Variants in MACROD2 observed in about 807,000 individuals in gnomAD.
MACROD2 encodes the protein mono-ADP ribosylhydrolase 2, also known as ADP-ribose glycohydrolase MACROD2.
A neutral mutation model predicts 70.4 loss-of-function variants in MACROD2; 36 were observed. The ratio of observed to expected loss-of-function variants is 0.51; its 90% CI spans 0.39 to 0.68. The LOEUF (loss-of-function observed/expected upper bound fraction) is 0.68, where lower values mean the gene tolerates loss of function less well. MACROD2 is among the 30% of genes least tolerant of loss of function. MACROD2 has a pLI of 0.00. For synonymous variants in MACROD2, 172 were observed against 178.8 expected (o/e 0.96, Z 0.30); for missense variants, 496 against 538.4 (o/e 0.92, Z 0.78).
chr20:14,925,895 G>C (rs2074225038), intron 5 of MACROD2, among the ~76,000 whole-genome samples: 2 of 152,306 alleles, frequency 1.3e-5, no homozygotes, highest in Non-Finnish European at 1.5e-5. Context: ...GGCTCGCAGG[G>C]ACTTATATAG....
At chr20:15,456,521 T>C (rs868375127) in intron 7 of MACROD2, among the ~76,000 whole-genome samples, 1 of 151,750 alleles carries the variant, frequency 6.6e-6, no homozygotes, top group Non-Finnish European at 1.5e-5. Context: ...TGAAGGCAAG[T>C]AGATAGTCTT....
At chr20:15,494,774 TGTGC>T (rs2047275179) in intron 7 of MACROD2, among the ~76,000 whole-genome samples, 1 of 127,568 alleles carries the variant, frequency 7.8e-6, no homozygotes, top group African/African-American at 3.1e-5. Flanking sequence ...CGCGTGTGTG[TGTGC>T]GCGCGTGTGT....
chr20:14,141,840 T>A (rs76287750), intron 3 of MACROD2, among the ~76,000 whole-genome samples: 88 of 150,760 alleles, frequency 5.8e-4, no homozygotes, highest in Non-Finnish European at 8.9e-4. Flanking sequence ...CAGTACCTTA[T>A]AACTTTTATT....
chr20:14,733,907 C>G (rs2071627123), intron 5 of MACROD2, among the ~76,000 whole-genome samples: 1 of 152,160 alleles, frequency 6.6e-6, no homozygotes, highest in Non-Finnish European at 1.5e-5. Flanking sequence ...GAGCTAATTG[C>G]TTAACCTCTT....
chr20:14,068,870 G>C (rs2053803366), intron 2 of MACROD2, among the ~76,000 whole-genome samples: 1 of 152,162 alleles, frequency 6.6e-6, no homozygotes, highest in Non-Finnish European at 1.5e-5. Context: ...CAAGTTAATA[G>C]CTTTTGCTTG....
intron 8 of MACROD2, among the ~76,000 whole-genome samples, chr20:15,511,755 G>T (rs1453711113): frequency 6.6e-6 from 1 of 152,172 alleles, no homozygotes; most frequent in East Asian, 1.9e-4. Context: ...ATGACCAAGA[G>T]GTTGCTCAGC....
intron 12 of MACROD2, among the ~76,000 whole-genome samples, chr20:15,938,041 A>G (rs187347146): frequency 6.6e-6 from 1 of 152,050 alleles, no homozygotes; most frequent in Admixed American, 6.6e-5. Flanking sequence ...ACTATGAGAA[A>G]ATGTTTCTGA....
intron 3 of MACROD2, among the ~76,000 whole-genome samples, chr20:14,228,594 A>G (rs2081768427): frequency 6.6e-6 from 1 of 152,210 alleles, no homozygotes; most frequent in African/African-American, 2.4e-5. Context: ...TACATAAGTT[A>G]GATTTTTACT....
intron 4 of MACROD2, among the ~76,000 whole-genome samples, chr20:14,654,545 C>CAA (rs202212319): frequency 0.013 from 1,088 of 83,730 alleles, 8 homozygotes; most frequent in African/African-American, 0.047. Flanking sequence ...GACTCCATCT[C>CAA]AAAAAAAAAA....
intron 5 of MACROD2, among the ~76,000 whole-genome samples, chr20:15,060,840 G>A (rs987849455): frequency 2.0e-5 from 3 of 152,204 alleles, no homozygotes; most frequent in Non-Finnish European, 4.4e-5. Context: ...TACACTAGCA[G>A]TATACCCATG....
intron 3 of MACROD2, among the ~76,000 whole-genome samples, chr20:14,165,750 G>A (rs1214215862): frequency 6.6e-6 from 1 of 152,208 alleles, no homozygotes; most frequent in Non-Finnish European, 1.5e-5. Context: ...TGGCTACTCA[G>A]TAATTTAGTG....
At chr20:15,536,929 T>C (rs1445040846) in intron 8 of MACROD2, among the ~76,000 whole-genome samples, 1 of 152,190 alleles carries the variant, frequency 6.6e-6, no homozygotes, top group Non-Finnish European at 1.5e-5. Context: ...CACTACTGCT[T>C]GTTCCTGCAA....
intron 9 of MACROD2, among the ~76,000 whole-genome samples, chr20:15,870,235 A>ATATTATTATTATTATTATTAT (rs74175654): frequency 1.3e-5 from 2 of 148,892 alleles, no homozygotes; most frequent in African/African-American, 4.9e-5. Context: ...GTTGGGTTTT[A>ATATTATTATTATTATTATTAT]TATTATTATT....
intron 15 of MACROD2, among the ~76,000 whole-genome samples, chr20:15,994,501 G>C (rs1049503028): frequency 6.6e-6 from 1 of 152,152 alleles, no homozygotes; most frequent in African/African-American, 2.4e-5. Context: ...TTATGATACT[G>C]CTAAAACTTC....
chr20:15,891,885 A>G (rs1321088296), intron 10 of MACROD2, among the ~76,000 whole-genome samples: 6 of 152,152 alleles, frequency 3.9e-5, no homozygotes, highest in Non-Finnish European at 7.4e-5. Flanking sequence ...AAAGGAAATT[A>G]TTAGTGCTGT....
chr20:14,399,101 C>T (rs2083610971), intron 3 of MACROD2, among the ~76,000 whole-genome samples: 1 of 150,820 alleles, frequency 6.6e-6, no homozygotes, highest in Non-Finnish European at 1.5e-5. Flanking sequence ...CTCACTGCAA[C>T]CTCCGCCTCC....
intron 5 of MACROD2, among the ~76,000 whole-genome samples, chr20:15,032,047 C>T (rs1179733898): frequency 3.9e-5 from 6 of 152,180 alleles, no homozygotes; most frequent in Non-Finnish European, 1.5e-5. Flanking sequence ...GTCATGTCAG[C>T]GCTGCCTCAA....
intron 6 of MACROD2, among the ~76,000 whole-genome samples, chr20:15,324,868 T>C (rs2077911111): frequency 6.6e-6 from 1 of 152,206 alleles, no homozygotes; most frequent in Non-Finnish European, 1.5e-5. Flanking sequence ...TATTACACTC[T>C]GAAAATCAGG....
intron 15 of MACROD2, among the ~76,000 whole-genome samples, chr20:15,987,932 A>G (rs927561): frequency 0.11 from 17,038 of 152,138 alleles, 1,056 homozygotes; most frequent in South Asian, 0.17. Flanking sequence ...ATAAATATGT[A>G]TTTGCAAAGC....
Sources: allele counts gnomAD v4.1 joint callset (sites outside exome capture counted in the v4.1 genomes callset), GRCh38; gene constraint gnomAD v4.1.1; transcripts MANE v1.5; gene names NCBI Gene and HGNC (gene_info 2026-07-23, HGNC 2026-07-21).